The following KIAA1217 variants were observed in gnomAD, a reference collection of about 807,000 sequenced individuals.
The protein encoded by KIAA1217 is sickle tail protein homolog.
KIAA1217 carries 88 observed loss-of-function variants against 163.9 expected under a neutral mutation model. That is an observed-to-expected ratio of 0.54 (90% CI 0.45 to 0.64). The LOEUF is 0.64. Ranked by LOEUF, KIAA1217 falls within the 30% of genes least tolerant of loss-of-function variation. The pLI is 0.00. For synonymous variants in KIAA1217, 903 were observed against 923.1 expected, an observed-to-expected ratio of 0.98 and a Z score of 0.39; for missense variants, 2,372 against 2,475.0, an observed-to-expected ratio of 0.96 and a Z score of 0.88.
At chr10:24,362,302 T>G (rs532665817) in intron 2 of KIAA1217, among the ~76,000 whole-genome samples, 1 of 152,178 alleles carries the variant, frequency 6.6e-6, no homozygotes, top group African/African-American at 2.4e-5. Flanking sequence ...CAGAAGACAG[T>G]AGGCTTTCAG....
chr10:24,161,529 C>A (rs1347429406), intron 2 of KIAA1217, among the ~76,000 whole-genome samples: 1 of 152,170 alleles, frequency 6.6e-6, no homozygotes, highest in Non-Finnish European at 1.5e-5. Context: ...AACTATGTGA[C>A]AATGGATCAT....
At chr10:24,449,752 C>T (rs1055462559) in intron 5 of KIAA1217, 14 of 984,914 alleles carry the variant, frequency 1.4e-5, no homozygotes, top group Non-Finnish European at 1.6e-5. Context: ...GAAAGGCTCA[C>T]GGAAAATGTA....
chr10:23,950,317 A>T (rs1844273795), intron 1 of KIAA1217, among the ~76,000 whole-genome samples: 1 of 152,240 alleles, frequency 6.6e-6, no homozygotes, highest in Non-Finnish European at 1.5e-5. Flanking sequence ...TTACAAAAAA[A>T]GTTCAAATGC....
At chr10:24,294,534 G>A (rs771048137) in intron 2 of KIAA1217, among the ~76,000 whole-genome samples, 1 of 152,146 alleles carries the variant, frequency 6.6e-6, no homozygotes, top group African/African-American at 2.4e-5. Context: ...AGTTAGCTAC[G>A]TTCACACTGA....
At chr10:24,479,071 C>T (rs934593691) in intron 6 of KIAA1217, among the ~76,000 whole-genome samples, 24 of 152,114 alleles carry the variant, frequency 1.6e-4, no homozygotes, top group African/African-American at 4.3e-4. Context: ...TTGCCCATTC[C>T]GAGCACCTAT....
intron 2 of KIAA1217, among the ~76,000 whole-genome samples, chr10:24,044,614 T>C (rs1292902230): frequency 6.6e-6 from 1 of 152,060 alleles, no homozygotes; most frequent in Non-Finnish European, 1.5e-5. Flanking sequence ...AATTTTCTCT[T>C]CCGTACTTTT....
Position 24,211,553 on chromosome 10 carries a change from T to C in KIAA1217, c.70+2290T>C, listed in dbSNP as rs549416642. Reference sequence around the variant, plus strand: ...CATGGTTGTATTGTATTGTATTGTATTGTATTGTATTGTATTGTATTGTAT... The same window carrying C: ...CATGGTTGTATTGTATTGTATTGTACTGTATTGTATTGTATTGTATTGTAT... On this transcript the variant is annotated intron_variant, in intron 1 of 20. Transcript: ENST00000376454. Among the ~76,000 whole-genome samples, 8 of 53,124 alleles carry C rather than the reference T, an allele frequency of 1.5e-4. No individual in the cohort carries two copies. The South Asian group carries it at 6.0e-3, about 40-fold the overall frequency. The allele number at this position is 53,124 out of a possible 152,430, so 34.9% of individuals were successfully genotyped here.
At chr10:24,218,055 A>G (rs1359801844) in intron 1 of KIAA1217, among the ~76,000 whole-genome samples, 2 of 152,234 alleles carry the variant, frequency 1.3e-5, no homozygotes, top group East Asian at 1.9e-4. Context: ...TATTCTGCCT[A>G]TATCAGCAAT....
At chr10:24,520,627 C>CAAAAAAA (rs71472812) in intron 11 of KIAA1217, among the ~76,000 whole-genome samples, 4 of 44,940 alleles carry the variant, frequency 8.9e-5, no homozygotes, top group Admixed American at 4.1e-4. Flanking sequence ...ACATCTCTAC[C>CAAAAAAA]AAAAAAAAAA....
intron 2 of KIAA1217, among the ~76,000 whole-genome samples, chr10:24,313,777 G>A (rs768099095): frequency 6.6e-6 from 1 of 151,002 alleles, no homozygotes; most frequent in Non-Finnish European, 1.5e-5. Flanking sequence ...TACAGGCCAT[G>A]ATTGGATTTT....
intron 3 of KIAA1217, among the ~76,000 whole-genome samples, chr10:24,393,364 T>C (rs965715664): frequency 1.2e-4 from 19 of 152,170 alleles, no homozygotes; most frequent in Non-Finnish European, 1.5e-5. Context: ...GGTATGGATT[T>C]GAAACTAAGC....
intron 1 of KIAA1217, among the ~76,000 whole-genome samples, chr10:23,702,670 C>G: frequency 7.6e-6 from 1 of 132,094 alleles, no homozygotes; most frequent in South Asian, 2.4e-4. Context: ...GGAGAATACA[C>G]ACACACACAC....
At chr10:24,109,911 G>A (rs1032731039) in intron 2 of KIAA1217, among the ~76,000 whole-genome samples, 12 of 152,232 alleles carry the variant, frequency 7.9e-5, no homozygotes, top group Non-Finnish European at 1.3e-4. Flanking sequence ...TGTTGCCCAG[G>A]CAAGAGTGCA....
intron 1 of KIAA1217, among the ~76,000 whole-genome samples, chr10:23,929,207 CATTT>C (rs1378135120): frequency 6.6e-6 from 1 of 152,166 alleles, no homozygotes; most frequent in Non-Finnish European, 1.5e-5. Context: ...CAAAATCTCT[CATTT>C]ATTGTCAATT....
intron 2 of KIAA1217, among the ~76,000 whole-genome samples, chr10:24,377,785 A>G (rs546476348): frequency 1.8e-4 from 28 of 152,310 alleles, no homozygotes; most frequent in African/African-American, 6.7e-4. Flanking sequence ...AGCTTTCTCC[A>G]TGGTTCTTAC....
intron 3 of KIAA1217, among the ~76,000 whole-genome samples, chr10:24,427,191 C>T (rs1222436759): frequency 2.0e-5 from 3 of 152,020 alleles, no homozygotes; most frequent in South Asian, 4.2e-4. Context: ...TTTCAGAGCT[C>T]GGCACCTCCC....
chr10:23,855,182 C>T (rs1237990829), intron 1 of KIAA1217, among the ~76,000 whole-genome samples: 3 of 152,054 alleles, frequency 2.0e-5, no homozygotes, highest in Admixed American at 2.0e-4. Flanking sequence ...TTAGTGTTTC[C>T]TTCAGGAGCT....
intron 8 of KIAA1217, among the ~76,000 whole-genome samples, chr10:24,500,491 A>G (rs985857785): frequency 6.6e-6 from 1 of 151,994 alleles, no homozygotes; most frequent in African/African-American, 2.4e-5. Context: ...TGTCCTTTTT[A>G]GAGTCCCCTC....
At chr10:23,914,564 T>G (rs1842563711) in intron 1 of KIAA1217, among the ~76,000 whole-genome samples, 1 of 152,048 alleles carries the variant, frequency 6.6e-6, no homozygotes, top group African/African-American at 2.4e-5. Context: ...ATCCTCCCAC[T>G]CTGGCCTCCC....
Sources: gnomAD v4.1 joint callset for allele counts (sites outside exome capture counted in the v4.1 genomes callset) on GRCh38, gnomAD v4.1.1 for gene constraint, MANE v1.5 for transcripts, NCBI Gene and HGNC (gene_info 2026-07-23, HGNC 2026-07-21) for gene names.